SORCS2: variants seen among roughly 807,000 people sequenced by gnomAD.
The protein encoded by SORCS2 is sortilin related VPS10 domain containing receptor 2, also known as VPS10 domain-containing receptor SorCS2.
SORCS2 carries 100 observed loss-of-function variants against 141.6 expected under a neutral mutation model. The observed-to-expected ratio is 0.71, with a 90% confidence interval of 0.60 to 0.83. SORCS2 has a LOEUF of 0.83. SORCS2 is among the 40% of genes least tolerant of loss of function. The pLI is 0.00. For missense variants in SORCS2, 1,646 were observed against 1,560.2 expected (o/e 1.05, Z -0.93); for synonymous variants, 789 against 676.9 (o/e 1.17, Z -2.57).
chr4:7,581,534 A>C (rs1196006350), intron 3 of SORCS2, among the ~76,000 whole-genome samples: 1 of 152,164 alleles, frequency 6.6e-6, no homozygotes, highest in East Asian at 1.9e-4. Context: ...TCTGGGGTGG[A>C]GGAGGAGCCC....
chr4:7,569,775 G>A (rs1224649089), intron 3 of SORCS2, among the ~76,000 whole-genome samples: 1 of 152,202 alleles, frequency 6.6e-6, no homozygotes, highest in Non-Finnish European at 1.5e-5. Flanking sequence ...CACAACACAC[G>A]TCTGATGAAT....
At chr4:7,560,161 C>T (rs762858626) in intron 3 of SORCS2, among the ~76,000 whole-genome samples, 1 of 152,190 alleles carries the variant, frequency 6.6e-6, no homozygotes, top group Non-Finnish European at 1.5e-5. Context: ...CTTGTAATTA[C>T]CTTTATTGAT....
At chr4:7,375,523 G>T (rs556156729) in intron 1 of SORCS2, among the ~76,000 whole-genome samples, 79 of 152,256 alleles carry the variant, frequency 5.2e-4, no homozygotes, top group African/African-American at 1.8e-3. Context: ...CTTTTCTCAC[G>T]CATGTCCAGT....
intron 1 of SORCS2, among the ~76,000 whole-genome samples, chr4:7,285,127 G>T (rs1716123930): frequency 6.6e-6 from 1 of 151,750 alleles, no homozygotes; most frequent in Non-Finnish European, 1.5e-5. Context: ...CCACCTCCTG[G>T]GTTCAAACGA....
At chr4:7,539,684 C>CCGTTATGGAGGCCCCGCCCCG in intron 3 of SORCS2, among the ~76,000 whole-genome samples, 1 of 152,174 alleles carries the variant, frequency 6.6e-6, no homozygotes, top group Non-Finnish European at 1.5e-5. Context: ...GCCCCGACCC[C>CCGTTATGGAGGCCCCGCCCCG]CGTTATGGAG....
intron 1 of SORCS2, among the ~76,000 whole-genome samples, chr4:7,380,467 T>C (rs888069868): frequency 1.1e-5 from 1 of 95,194 alleles, no homozygotes; most frequent in Non-Finnish European, 2.3e-5. Flanking sequence ...GTGTTGGAGA[T>C]TCTGAATTCA....
At chr4:7,421,949 C>T (rs1184701583) in intron 2 of SORCS2, among the ~76,000 whole-genome samples, 1 of 150,106 alleles carries the variant, frequency 6.7e-6, no homozygotes, top group Non-Finnish European at 1.5e-5. Context: ...CCCCCATGGT[C>T]GACCTTGAGA....
intron 1 of SORCS2, among the ~76,000 whole-genome samples, chr4:7,307,358 G>A (rs1717900170): frequency 6.6e-6 from 1 of 152,264 alleles, no homozygotes; most frequent in Non-Finnish European, 1.5e-5. Flanking sequence ...CAGAAAAGAA[G>A]AAAAGCAGCC....
chr4:7,253,480 G>C (rs565998269), intron 1 of SORCS2, among the ~76,000 whole-genome samples: 1 of 152,242 alleles, frequency 6.6e-6, no homozygotes, highest in African/African-American at 2.4e-5. Context: ...AAGAGGGATG[G>C]TGTTCCCTGC....
intron 2 of SORCS2, among the ~76,000 whole-genome samples, chr4:7,443,890 C>T (rs1327659079): frequency 6.6e-6 from 1 of 152,240 alleles, no homozygotes; most frequent in Non-Finnish European, 1.5e-5. Flanking sequence ...GTGGGCATGC[C>T]AGCCTCCACC....
At chr4:7,533,316 C>A (rs1041950324) in intron 3 of SORCS2, among the ~76,000 whole-genome samples, 9 of 152,192 alleles carry the variant, frequency 5.9e-5, no homozygotes, top group African/African-American at 2.2e-4. Context: ...CGACCATCAC[C>A]CCTTCTTCCT....
chr4:7,647,582 G>T (rs970544972), intron 4 of SORCS2, among the ~76,000 whole-genome samples: 3 of 152,198 alleles, frequency 2.0e-5, no homozygotes, highest in Admixed American at 6.5e-5. Context: ...AATTGCCCTT[G>T]TGACAGTGGT....
chr4:7,306,576 T>G (rs1328470659), intron 1 of SORCS2, among the ~76,000 whole-genome samples: 2 of 152,118 alleles, frequency 1.3e-5, no homozygotes, highest in African/African-American at 4.8e-5. Context: ...CTCTAAGGAA[T>G]ATGGCTCTCA....
At chr4:7,710,291 C>T (rs1284290800) in intron 14 of SORCS2, among the ~76,000 whole-genome samples, 1 of 152,190 alleles carries the variant, frequency 6.6e-6, no homozygotes, top group Non-Finnish European at 1.5e-5. Context: ...GCTGTGCTGC[C>T]CTGGCCGGGT....
At chr4:7,364,779 C>T (rs1721781600) in intron 1 of SORCS2, among the ~76,000 whole-genome samples, 1 of 152,228 alleles carries the variant, frequency 6.6e-6, no homozygotes, top group Non-Finnish European at 1.5e-5. Context: ...GAAGAGAAAA[C>T]TTCAGTTCCC....
intron 2 of SORCS2, among the ~76,000 whole-genome samples, chr4:7,426,419 T>C (rs1032308821): frequency 3.3e-5 from 5 of 152,178 alleles, no homozygotes; most frequent in Non-Finnish European, 7.4e-5. Flanking sequence ...GGCCCATTAC[T>C]AAGAACCATG....
chr4:7,224,046 A>AG (rs1180906232), intron 1 of SORCS2, among the ~76,000 whole-genome samples: 2 of 152,142 alleles, frequency 1.3e-5, no homozygotes, highest in African/African-American at 4.8e-5. Flanking sequence ...CTGCTGAGTG[A>AG]GCTGGGGGTC....
intron 2 of SORCS2, among the ~76,000 whole-genome samples, chr4:7,476,702 C>A (rs1730318219): frequency 6.6e-6 from 1 of 152,166 alleles, no homozygotes; most frequent in African/African-American, 2.4e-5. Context: ...CTAGGAGTCC[C>A]TCTCCAATCA....
At chr4:7,355,649 T>C (rs1249761008) in intron 1 of SORCS2, among the ~76,000 whole-genome samples, 3 of 152,024 alleles carry the variant, frequency 2.0e-5, no homozygotes, top group South Asian at 2.1e-4. Flanking sequence ...AAGTGAAAGA[T>C]TGAGTTGATG....
Sources: gnomAD v4.1 joint callset for allele counts (sites outside exome capture counted in the v4.1 genomes callset) on GRCh38, gnomAD v4.1.1 for gene constraint, MANE v1.5 for transcripts, NCBI Gene and HGNC (gene_info 2026-07-23, HGNC 2026-07-21) for gene names.